ASXL1: variants seen among roughly 807,000 people sequenced by gnomAD.
The protein encoded by ASXL1 is ASXL transcriptional regulator 1, also known as polycomb group protein ASXL1.
In ASXL1, 65 loss-of-function variants were observed where a neutral mutation model predicts 89.1. The ratio of observed to expected loss-of-function variants is 0.73; its 90% CI spans 0.60 to 0.90. The LOEUF is 0.90. Ranked by LOEUF, ASXL1 falls within the 40% of genes least tolerant of loss-of-function variation. The pLI is 0.00. For missense variants in ASXL1, 1,786 were observed against 1,942.9 expected, an observed-to-expected ratio of 0.92 and a Z score of 1.52; for synonymous variants, 739 against 746.9, an observed-to-expected ratio of 0.99 and a Z score of 0.17.
At chr20:32,386,014 T>A (rs2048573177) in intron 4 of ASXL1, among the ~76,000 whole-genome samples, 1 of 152,224 alleles carries the variant, frequency 6.6e-6, no homozygotes, top group Non-Finnish European at 1.5e-5. Context: ...CTTAAGAGGA[T>A]CCTTCATTTA....
At position 32,434,878 on chromosome 20, in the gene ASXL1, T is replaced by C. The variant is rs1408672633; in HGVS notation, c.2166T>C (p.Pro722=). 1.2e-6 allele frequency: 2 copies of C among 1,613,984 alleles called. No homozygotes were observed. Among genetic ancestry groups the C allele is most frequent in the African/African-American group, 2.7e-5 (2 of 74,912 alleles). ...CCAGAGCTAGGAGAGAGGACCTGCC[T>C]TCTCTGAGAAAGGAGGAAAGCTGCC... ...AMSRARREDL[P]SLRKEESCLL... The change falls in exon 13 of 13, where the codon CCT becomes CCC. Residue 722 remains proline, a synonymous_variant. Coordinates refer to ENST00000375687, the MANE Select transcript of ASXL1 (RefSeq NM_015338.6).
chr20:32,374,921 C>T (rs927786599), intron 4 of ASXL1, among the ~76,000 whole-genome samples: 1 of 152,054 alleles, frequency 6.6e-6, no homozygotes, highest in Non-Finnish European at 1.5e-5. Flanking sequence ...GAGGCAGTAC[C>T]ATAGTCTTAG....
rs1466152368 is a variant in ASXL1 at position 32,437,473 on chromosome 20, C to T, written c.*135C>T. On this transcript the variant is annotated 3_prime_UTR_variant, in exon 13 of 13. Transcript: ENST00000375687. ...CACTCTTGCCTTCCCCCAAAATTTA[C>T]ACTGCTAAAGCCCTCTGTCACTTGG... The T allele has an allele frequency of 3.7e-6, 5 of 1,368,142 alleles. No homozygotes were observed. In the East Asian group the frequency reaches 1.2e-4, roughly 32 times the overall value. The allele number at this position is 1,368,142 out of a possible 1,614,324, so 84.8% of individuals were successfully genotyped here.
At chr20:32,411,724 G>A (rs2049052349) in intron 4 of ASXL1, among the ~76,000 whole-genome samples, 1 of 151,600 alleles carries the variant, frequency 6.6e-6, no homozygotes, top group Non-Finnish European at 1.5e-5. Flanking sequence ...TTTTAGTAGA[G>A]ATGGGGTTTC....
intron 4 of ASXL1, among the ~76,000 whole-genome samples, chr20:32,414,407 T>A (rs1312401057): frequency 6.6e-6 from 1 of 152,108 alleles, no homozygotes; most frequent in African/African-American, 2.4e-5. Flanking sequence ...AATGTTGCTT[T>A]ATTTTTTTAA....
At position 32,369,093 on chromosome 20, in the gene ASXL1, G is replaced by A. The variant is rs2048253862; in HGVS notation, c.222G>A (p.Leu74=). 5.0e-6 allele frequency: 8 copies of A among 1,613,574 alleles called. No homozygotes were observed. The highest frequency in any genetic ancestry group is 1.3e-5 in the African/African-American group (1 of 74,884). ...GAGGAGAGGGGTTGTTTTATAAACTGCCTGGCCGAATCAGCCTTTTCACGC... is the reference window on the plus strand; with the variant it reads ...GAGGAGAGGGGTTGTTTTATAAACTACCTGGCCGAATCAGCCTTTTCACGC... The part of the protein sequence containing the change: ...SRGGEGLFYK[L]PGRISLFTLK... The change falls in exon 4 of 13, where the codon CTG becomes CTA. Residue 74 remains leucine, a synonymous_variant. Transcript: ENST00000375687.
Position 32,399,749 on chromosome 20 carries a change from T to A in ASXL1, c.253-28379T>A, listed in dbSNP as rs1386268070. Among the ~76,000 whole-genome samples, 8 of 28,504 alleles carry A rather than the reference T, an allele frequency of 2.8e-4. 1 individual carries two copies. In the South Asian group the frequency reaches 4.4e-3, roughly 16 times the overall value. 18.7% of individuals were successfully genotyped at this position (28,504 alleles called of 152,430 possible). A position where few individuals can be genotyped will look rare whatever the true frequency, so the allele number is the denominator to read the frequency against. On this transcript the variant is annotated intron_variant, in intron 4 of 12. Coordinates refer to ENST00000375687, the MANE Select transcript of ASXL1 (RefSeq NM_015338.6). ...TTAAAAATCTCACATATTTTACTCTTTTTTTTTTTTTTTTTTTTTTTTTTT... is the reference window on the plus strand; with the variant it reads ...TTAAAAATCTCACATATTTTACTCTATTTTTTTTTTTTTTTTTTTTTTTTT...
chr20:32,433,849 A>T lies in ASXL1; in HGVS notation c.1651A>T (p.Thr551Ser), dbSNP rs755376183. The change falls in exon 12 of 13, where the codon ACA (threonine) becomes TCA (serine). Residue 551 changes from threonine (T) to serine (S), a missense_variant. Physicochemically the swap from Thr to Ser is moderately conservative, Grantham distance 58. Around this residue, in one of 3 missense-constraint regions of ASXL1, gnomAD observed 1,418 missense variants for 1,427.8 expected, o/e 0.99. Transcript: ENST00000375687. ...RLEDRQSFRN[T>S]IESVHTEKPQ... is the part of the protein sequence containing the mutation. The stretch of plus-strand genomic sequence containing the variant: ...TGAAGATCGTCAGTCCTTTCGTAAC[A>T]CAATTGAAAGTGTTCACACCGAAAA... The T allele has an allele frequency of 1.9e-6, 3 of 1,613,984 alleles. No individual in the cohort carries two copies. Among genetic ancestry groups the T allele is most frequent in the Non-Finnish European group, 1.7e-6 (2 of 1,180,014 alleles).
chr20:32,428,493 C>CT, intron 6 of ASXL1, 71 bp downstream of exon 6: 1 of 1,364,682 alleles, frequency 7.3e-7, no homozygotes, highest in Non-Finnish European at 1.0e-6. Flanking sequence ...CCTCCTTCTC[C>CT]TGTAGTGAGC....
intron 4 of ASXL1, among the ~76,000 whole-genome samples, chr20:32,383,986 A>G (rs980321649): frequency 6.6e-6 from 1 of 152,100 alleles, no homozygotes; most frequent in African/African-American, 2.4e-5. Flanking sequence ...AGACCTTCTG[A>G]TACTCACGTT....
intron 4 of ASXL1, chr20:32,372,254 G>A: frequency 7.7e-7 from 1 of 1,292,562 alleles, no homozygotes. Context: ...GCTTGGGAGT[G>A]GTCTGTTAGT....
chr20:32,386,778 CCTCT>C (rs201971368), intron 4 of ASXL1, among the ~76,000 whole-genome samples: 1 of 117,268 alleles, frequency 8.5e-6, no homozygotes, highest in Non-Finnish European at 1.7e-5. Flanking sequence ...TTGTGTATGA[CCTCT>C]CTCTCTCTTT....
intron 4 of ASXL1, among the ~76,000 whole-genome samples, chr20:32,374,325 C>G (rs2048343363): frequency 6.6e-6 from 1 of 152,128 alleles, no homozygotes; most frequent in African/African-American, 2.4e-5. Flanking sequence ...GGGTCTCGCT[C>G]TGTGGCTTAA....
intron 4 of ASXL1, among the ~76,000 whole-genome samples, chr20:32,389,652 C>G (rs1480703187): frequency 6.6e-6 from 1 of 152,126 alleles, no homozygotes; most frequent in Non-Finnish European, 1.5e-5. Flanking sequence ...GTGGCACAAT[C>G]TCGGCTCACT....
chr20:32,398,603 G>GTTT (rs375341392), intron 4 of ASXL1, among the ~76,000 whole-genome samples: 33 of 126,352 alleles, frequency 2.6e-4, no homozygotes, highest in East Asian at 4.5e-4. Context: ...TTTTTTGTTT[G>GTTT]TTTTTTTTTT....
At chr20:32,359,286 C>T (rs1311568876) in intron 1 of ASXL1, 1 of 702,552 alleles carries the variant, frequency 1.4e-6, no homozygotes, top group Admixed American at 2.0e-5. Context: ...AAAGCGACCC[C>T]ACATTCAAGG....
chr20:32,434,174 A>T, intron 12 of ASXL1: 1 of 699,896 alleles, frequency 1.4e-6, no homozygotes, highest in Non-Finnish European at 2.3e-6. Context: ...AGATAGCATT[A>T]GATTCTTTGC....
intron 4 of ASXL1, among the ~76,000 whole-genome samples, chr20:32,420,445 G>A (rs2049222438): frequency 1.3e-5 from 2 of 152,114 alleles, no homozygotes; most frequent in South Asian, 4.1e-4. Flanking sequence ...TAAAACATCT[G>A]ACCTGTGGGA....
chr20:32,433,443 T>A lies in ASXL1; in HGVS notation c.1245T>A (p.Asp415Glu), dbSNP rs1569324291. ...ATTTTAAGAAACGCTCTCGGCCAGA[T>A]CTCCGAACCAGAGCCAGAAGGAATC... ...DGHFKKRSRP[D>E]LRTRARRNLY... The change falls in exon 12 of 13, where the codon GAT becomes GAA. Residue 415 changes from aspartate (D) to glutamate (E), a missense_variant. Asp to Glu is a conservative substitution (Grantham distance 45, BLOSUM62 2). Around this residue, in one of 3 missense-constraint regions of ASXL1, gnomAD observed 1,418 missense variants for 1,427.8 expected, o/e 0.99. Transcript: ENST00000375687. 5.6e-6 allele frequency: 9 copies of A among 1,614,060 alleles called. No individual in the cohort carries two copies. The highest frequency in any genetic ancestry group is 7.6e-6 in the Non-Finnish European group (9 of 1,180,018).
Sources: allele counts gnomAD v4.1 joint callset (sites outside exome capture counted in the v4.1 genomes callset), GRCh38; gene constraint gnomAD v4.1.1; regional missense constraint gnomAD v4.1.1; transcripts MANE v1.5; gene names NCBI Gene and HGNC (gene_info 2026-07-23, HGNC 2026-07-21).